The following SNTG1 variants were observed in gnomAD, a reference collection of about 807,000 sequenced individuals.
The protein encoded by SNTG1 is gamma-1-syntrophin.
SNTG1 carries 39 observed loss-of-function variants against 74.7 expected under a neutral mutation model. That is an observed-to-expected ratio of 0.52 (90% CI 0.40 to 0.68). The LOEUF is 0.68. Among genes scored for constraint, SNTG1 ranks in the 30% least tolerant of loss-of-function variants. The pLI, the probability that SNTG1 is intolerant of heterozygous loss-of-function variation, is 0.00. For missense variants in SNTG1, 685 were observed against 609.5 expected (o/e 1.12, Z -1.30); for synonymous variants, 254 against 217.1 (o/e 1.17, Z -1.49).
chr8:50,076,019 TA>T (rs1486800685), intron 1 of SNTG1, among the ~76,000 whole-genome samples: 1 of 152,136 alleles, frequency 6.6e-6, no homozygotes, highest in Non-Finnish European at 1.5e-5. Flanking sequence ...AGACACAACA[TA>T]ACAGATCATA....
chr8:50,609,284 T>C (rs2094834112), intron 13 of SNTG1, among the ~76,000 whole-genome samples: 2 of 152,080 alleles, frequency 1.3e-5, no homozygotes, highest in Non-Finnish European at 2.9e-5. Flanking sequence ...TATTTTGTTG[T>C]TGCTTCTGAA....
At chr8:50,261,136 A>G (rs2087171453) in intron 2 of SNTG1, among the ~76,000 whole-genome samples, 1 of 152,164 alleles carries the variant, frequency 6.6e-6, no homozygotes, top group Non-Finnish European at 1.5e-5. Context: ...AACACAGATC[A>G]AAAAAACATG....
At chr8:50,237,679 C>G (rs2085975462) in intron 2 of SNTG1, among the ~76,000 whole-genome samples, 1 of 152,068 alleles carries the variant, frequency 6.6e-6, no homozygotes. Context: ...TAGTTTTAAA[C>G]ATATTTAATC....
chr8:50,103,362 G>C (rs889599148), intron 1 of SNTG1, among the ~76,000 whole-genome samples: 22 of 152,120 alleles, frequency 1.4e-4, no homozygotes, highest in African/African-American at 2.9e-4. Flanking sequence ...CTCTCTGTTT[G>C]TCTGTTGTTG....
chr8:50,093,207 A>G (rs1347721890), intron 1 of SNTG1, among the ~76,000 whole-genome samples: 1 of 152,134 alleles, frequency 6.6e-6, no homozygotes, highest in East Asian at 1.9e-4. Context: ...ATACATATCC[A>G]AATGACCTGG....
chr8:50,159,085 G>A (rs1000596727), intron 1 of SNTG1, among the ~76,000 whole-genome samples: 1 of 151,990 alleles, frequency 6.6e-6, no homozygotes, highest in African/African-American at 2.4e-5. Context: ...TTGATGACCG[G>A]CCGTTTGGGT....
intron 12 of SNTG1, among the ~76,000 whole-genome samples, chr8:50,581,921 C>A (rs1295844606): frequency 6.6e-6 from 1 of 152,098 alleles, no homozygotes; most frequent in Non-Finnish European, 1.5e-5. Context: ...AATTTGCAAG[C>A]CATGCAAAGG....
intron 3 of SNTG1, among the ~76,000 whole-genome samples, chr8:50,399,971 T>C (rs2092780705): frequency 6.6e-6 from 1 of 152,210 alleles, no homozygotes; most frequent in South Asian, 2.1e-4. Context: ...AAAGACATCA[T>C]ACCTTTTACA....
At chr8:49,928,624 A>G (rs921224383) in intron 1 of SNTG1, among the ~76,000 whole-genome samples, 3 of 152,150 alleles carry the variant, frequency 2.0e-5, no homozygotes, top group African/African-American at 7.2e-5. Flanking sequence ...CGCAGGAGCT[A>G]TACAGGAACT....
At chr8:49,949,815 T>C (rs1003721133) in intron 1 of SNTG1, among the ~76,000 whole-genome samples, 1 of 152,208 alleles carries the variant, frequency 6.6e-6, no homozygotes, top group Admixed American at 6.5e-5. Context: ...TGTTAGTGGT[T>C]GAAATTCTTA....
chr8:50,703,066 T>C (rs533374117), intron 15 of SNTG1, among the ~76,000 whole-genome samples: 3 of 152,332 alleles, frequency 2.0e-5, no homozygotes, highest in East Asian at 1.9e-4. Flanking sequence ...TACAGCACTA[T>C]AGACTTTATA....
At chr8:50,139,513 GTC>G (rs1359461010) in intron 1 of SNTG1, among the ~76,000 whole-genome samples, 1 of 152,174 alleles carries the variant, frequency 6.6e-6, no homozygotes, top group Non-Finnish European at 1.5e-5. Context: ...CCTGTGTCAT[GTC>G]TGCCAACATT....
chr8:49,985,654 C>T (rs10112215), intron 1 of SNTG1, among the ~76,000 whole-genome samples: 97,886 of 152,000 alleles, frequency 0.64, 35,522 homozygotes, highest in East Asian at 0.86. Context: ...TTAAATAAGG[C>T]GCATAAACAA....
At chr8:49,929,895 G>T (rs2628419) in intron 1 of SNTG1, among the ~76,000 whole-genome samples, 110,384 of 127,434 alleles carry the variant, frequency 0.87, 47,883 homozygotes, top group East Asian at 1. Context: ...GTCCCCAGAG[G>T]GTGATATTCC....
At chr8:50,389,195 C>A (rs529382256) in intron 2 of SNTG1, among the ~76,000 whole-genome samples, 1 of 152,234 alleles carries the variant, frequency 6.6e-6, no homozygotes, top group Non-Finnish European at 1.5e-5. Context: ...ATAATAAGTG[C>A]AGTCTATATG....
intron 13 of SNTG1, among the ~76,000 whole-genome samples, chr8:50,655,968 G>A (rs189529172): frequency 8.5e-5 from 13 of 152,114 alleles, no homozygotes; most frequent in Admixed American, 7.8e-4. Context: ...TCATGATAAT[G>A]GCAAAAGCAC....
intron 13 of SNTG1, among the ~76,000 whole-genome samples, chr8:50,647,431 C>CAA (rs1392771029): frequency 6.6e-6 from 1 of 151,730 alleles, no homozygotes; most frequent in African/African-American, 2.4e-5. Flanking sequence ...AAAAAATACA[C>CAA]ACACACACAT....
chr8:50,191,330 GC>G (rs1202602464), intron 2 of SNTG1, among the ~76,000 whole-genome samples: 14 of 152,038 alleles, frequency 9.2e-5, no homozygotes, highest in Non-Finnish European at 1.8e-4. Context: ...GTATTGAAGG[GC>G]AAAAGGAGAA....
At chr8:50,189,017 T>A (rs1355174654) in intron 2 of SNTG1, among the ~76,000 whole-genome samples, 1 of 152,144 alleles carries the variant, frequency 6.6e-6, no homozygotes, top group East Asian at 1.9e-4. Context: ...TGAGTCACTA[T>A]GTAAATGGGC....
Sources: allele counts gnomAD v4.1 joint callset (sites outside exome capture counted in the v4.1 genomes callset), GRCh38; gene constraint gnomAD v4.1.1; transcripts MANE v1.5; gene names NCBI Gene and HGNC (gene_info 2026-07-23, HGNC 2026-07-21).